The following POFUT3 variants were observed in gnomAD, a reference collection of about 807,000 sequenced individuals.
POFUT3 encodes the protein protein O-fucosyltransferase 3.
the POFUT3 span, among the ~76,000 whole-genome samples, chr8:33,435,832 TA>T: frequency 7.4e-3 from 1,126 of 151,968 alleles, 20 homozygotes; most frequent in African/African-American, 0.026. Flanking sequence ...TGTTTTTATA[TA>T]TTTTTTTTCA....
the POFUT3 span, chr8:33,453,263 T>A: frequency 6.2e-7 from 1 of 1,614,206 alleles, no homozygotes; most frequent in African/African-American, 1.3e-5. Flanking sequence ...GTAGGTCCGG[T>A]TGATGGTGAA....
chr8:33,310,734 T>C, the POFUT3 span, among the ~76,000 whole-genome samples: 1 of 151,404 alleles, frequency 6.6e-6, no homozygotes, highest in South Asian at 2.1e-4. Flanking sequence ...GACAGAACAT[T>C]GTCGAGCAGA....
chr8:33,325,730 G>A, the POFUT3 span, among the ~76,000 whole-genome samples: 3 of 152,080 alleles, frequency 2.0e-5, no homozygotes, highest in African/African-American at 7.2e-5. Flanking sequence ...TCAAGTATTG[G>A]GAGAAGGGAT....
chr8:33,380,215 CTATATATATATAT>C, the POFUT3 span, among the ~76,000 whole-genome samples: 1 of 35,594 alleles, frequency 2.8e-5, no homozygotes, highest in African/African-American at 1.5e-4. Context: ...TATATATATA[CTATATATATATAT>C]ACTATATATA....
At chr8:33,436,354 A>G in the POFUT3 span, 1 of 1,349,228 alleles carries the variant, frequency 7.4e-7, no homozygotes, top group Admixed American at 1.7e-5. Context: ...ATGTGTAAGA[A>G]GGCATCATCT....
At chr8:33,380,041 A>AGTG in the POFUT3 span, among the ~76,000 whole-genome samples, 1 of 56,154 alleles carries the variant, frequency 1.8e-5, no homozygotes, top group Non-Finnish European at 2.7e-5. Context: ...TATATATACG[A>AGTG]TATATATACA....
At chr8:33,426,779 C>A in the POFUT3 span, among the ~76,000 whole-genome samples, 3 of 152,200 alleles carry the variant, frequency 2.0e-5, no homozygotes, top group Non-Finnish European at 4.4e-5. Context: ...TAATTTCTGT[C>A]CTCTGATTTC....
chr8:33,378,163 C>G, the POFUT3 span, among the ~76,000 whole-genome samples: 1 of 152,136 alleles, frequency 6.6e-6, no homozygotes, highest in Non-Finnish European at 1.5e-5. Flanking sequence ...AGTCTCCCTC[C>G]TTGGCACAGC....
chr8:33,452,926 A>G, the POFUT3 span: 5 of 350,320 alleles, frequency 1.4e-5, no homozygotes, highest in Non-Finnish European at 2.6e-5. Context: ...ATTAAACTCA[A>G]CATTTAACTT....
At chr8:33,391,923 C>T in the POFUT3 span, among the ~76,000 whole-genome samples, 41 of 152,238 alleles carry the variant, frequency 2.7e-4, no homozygotes, top group African/African-American at 8.9e-4. Flanking sequence ...AGCATGGGTG[C>T]ACCTCAGCAA....
chr8:33,375,599 A>T, the POFUT3 span, among the ~76,000 whole-genome samples: 4 of 152,208 alleles, frequency 2.6e-5, no homozygotes, highest in Non-Finnish European at 5.9e-5. Context: ...AAGAAACAAA[A>T]AACTGTATAT....
the POFUT3 span, among the ~76,000 whole-genome samples, chr8:33,468,530 G>C: frequency 6.6e-6 from 1 of 152,190 alleles, no homozygotes; most frequent in African/African-American, 2.4e-5. Context: ...GTTTTCACTG[G>C]ATAACGTATA....
At chr8:33,406,769 T>C in the POFUT3 span, among the ~76,000 whole-genome samples, 1 of 152,062 alleles carries the variant, frequency 6.6e-6, no homozygotes, top group Non-Finnish European at 1.5e-5. Context: ...CTTGCCATGT[T>C]ACCCAGGCTG....
chr8:33,357,908 C>T, the POFUT3 span, among the ~76,000 whole-genome samples: 45,798 of 151,904 alleles, frequency 0.3, 8,077 homozygotes, highest in East Asian at 0.57. Context: ...GGTCCATGAA[C>T]CTAATCATGA....
the POFUT3 span, among the ~76,000 whole-genome samples, chr8:33,438,591 C>T: frequency 6.6e-6 from 1 of 152,108 alleles, no homozygotes; most frequent in Non-Finnish European, 1.5e-5. Context: ...GTTCCTCCCC[C>T]ACACCGTACC....
At chr8:33,345,613 C>T in the POFUT3 span, among the ~76,000 whole-genome samples, 1 of 151,064 alleles carries the variant, frequency 6.6e-6, no homozygotes, top group East Asian at 2.0e-4. Flanking sequence ...GTTGACCAGG[C>T]TGGTTTCAAA....
chr8:33,329,108 C>A, the POFUT3 span, among the ~76,000 whole-genome samples: 2 of 152,190 alleles, frequency 1.3e-5, no homozygotes, highest in Non-Finnish European at 2.9e-5. Context: ...CACTGGCTAC[C>A]TTCTACACTT....
the POFUT3 span, among the ~76,000 whole-genome samples, chr8:33,470,398 TG>T: frequency 6.6e-6 from 1 of 152,150 alleles, no homozygotes; most frequent in African/African-American, 2.4e-5. Flanking sequence ...CCAGCCTGGG[TG>T]GCAGAGCTAG....
the POFUT3 span, among the ~76,000 whole-genome samples, chr8:33,318,444 A>ATG: frequency 2.1e-5 from 3 of 142,180 alleles, no homozygotes; most frequent in East Asian, 2.0e-4. Flanking sequence ...ATGTATTTAT[A>ATG]TGTGTGTGTG....
Sources: allele counts gnomAD v4.1 joint callset (sites outside exome capture counted in the v4.1 genomes callset), GRCh38; gene constraint gnomAD v4.1.1; transcripts MANE v1.5; gene names NCBI Gene and HGNC (gene_info 2026-07-23, HGNC 2026-07-21).